Variants in METTL6 observed in about 807,000 individuals in gnomAD.
METTL6 encodes methyltransferase 6, tRNA N3-cytidine.
In METTL6, 22 loss-of-function variants were observed where a neutral mutation model predicts 26.4. The ratio of observed to expected loss-of-function variants is 0.83; its 90% CI spans 0.59 to 1.19. The LOEUF (loss-of-function observed/expected upper bound fraction) is 1.19, where lower values mean the gene tolerates loss of function less well. METTL6 is among the 50% of genes most tolerant of loss of function. The pLI, the probability that METTL6 is intolerant of heterozygous loss-of-function variation, is 0.00. For synonymous variants in METTL6, 109 were observed against 116.2 expected, an observed-to-expected ratio of 0.94 and a Z score of 0.40; for missense variants, 304 against 324.8, an observed-to-expected ratio of 0.94 and a Z score of 0.49.
At chr3:15,421,563 T>C (rs1340820733) in intron 3 of METTL6, among the ~76,000 whole-genome samples, 2 of 152,108 alleles carry the variant, frequency 1.3e-5, no homozygotes, top group Non-Finnish European at 2.9e-5. Flanking sequence ...CGGGCTCAAG[T>C]GATTTTCCCA....
chr3:15,413,995 TAA>T (rs1462100442), intron 5 of METTL6, 24 bp downstream of exon 5: 1 of 1,613,544 alleles, frequency 6.2e-7, no homozygotes, highest in Non-Finnish European at 8.5e-7. Flanking sequence ...ATAAAACATT[TAA>T]AGACTGGATT....
At chr3:15,406,131 T>C (rs1324881750), downstream of METTL6, among the ~76,000 whole-genome samples, 4 of 152,042 alleles carry the variant, frequency 2.6e-5, no homozygotes, top group African/African-American at 9.7e-5. Flanking sequence ...GTATTTATAC[T>C]ATTTTTTATA....
chr3:15,392,925 T>G (rs2124907385), intron 6 of METTL6, among the ~76,000 whole-genome samples: 1 of 152,304 alleles, frequency 6.6e-6, no homozygotes, highest in African/African-American at 2.4e-5. Flanking sequence ...TGAAGTCAGG[T>G]AGCGTGATGC....
At chr3:15,393,123 C>T (rs1260115869) in intron 6 of METTL6, among the ~76,000 whole-genome samples, 2 of 152,250 alleles carry the variant, frequency 1.3e-5, no homozygotes, top group East Asian at 3.9e-4. Flanking sequence ...TTCTTCCTAC[C>T]CATGAACATG....
At chr3:15,405,467 T>C (rs1397997770), downstream of METTL6, among the ~76,000 whole-genome samples, 3 of 152,206 alleles carry the variant, frequency 2.0e-5, no homozygotes, top group Admixed American at 6.5e-5. Flanking sequence ...ATGGACACTA[T>C]ATAACTAAGA....
intron 4 of METTL6, chr3:15,415,014 AC>A (rs1469562090): frequency 1.1e-4 from 119 of 1,102,000 alleles, no homozygotes; most frequent in Non-Finnish European, 1.3e-4. Flanking sequence ...ATCTCCTAGT[AC>A]TCAAACTGTA....
intron 6 of METTL6, among the ~76,000 whole-genome samples, chr3:15,400,141 G>A (rs893069867): frequency 2.6e-5 from 4 of 152,078 alleles, no homozygotes; most frequent in African/African-American, 9.7e-5. Flanking sequence ...TGCTACCTGA[G>A]AGATTTTATC....
At position 15,427,532 on chromosome 3, in the gene METTL6, T is replaced by G; in HGVS notation, c.-255A>C. On this transcript the variant is annotated 5_prime_UTR_variant, in exon 1 of 6. Coordinates refer to ENST00000383790, the MANE Select transcript of METTL6 (RefSeq NM_152396.4). ...TTTGCCATGGCACCGCCCCCGCCAC[T>G]TCCGCTAGGAACCCGGAAGTTCCTA... The G allele has an allele frequency of 1.8e-6, 1 of 540,986 alleles. No homozygotes were observed. Among genetic ancestry groups the G allele is most frequent in the South Asian group, 2.1e-5 (1 of 48,418 alleles). The allele number at this position is 540,986 out of a possible 1,614,324, so 33.5% of individuals were successfully genotyped here. A position where few individuals can be genotyped will look rare whatever the true frequency, so the allele number is the denominator to read the frequency against.
At chr3:15,413,153 G>A (rs146943814) in intron 5 of METTL6, among the ~76,000 whole-genome samples, 3,238 of 152,274 alleles carry the variant, frequency 0.021, 98 homozygotes, top group African/African-American at 0.072. Context: ...GCTGAGGCAT[G>A]AGAATCACTT....
chr3:15,393,171 A>C (rs1699394779), intron 6 of METTL6, among the ~76,000 whole-genome samples: 1 of 152,096 alleles, frequency 6.6e-6, no homozygotes, highest in Non-Finnish European at 1.5e-5. Context: ...CTTCTATTAC[A>C]TTGAGCAGTG....
Position 15,415,841 on chromosome 3 carries a change from A to G in METTL6, c.462T>C (p.Val154=), listed in dbSNP as rs760903367. The G allele has an allele frequency of 6.2e-7, 1 of 1,614,204 alleles. No homozygotes were observed. Among genetic ancestry groups the G allele is most frequent in the Non-Finnish European group, 8.5e-7 (1 of 1,180,010 alleles). The change falls in exon 4 of 6, where the codon GTT becomes GTC. Residue 154 remains valine, a synonymous_variant. Transcript: ENST00000383790. The part of the protein sequence containing the change: ...DHVPPESVDV[V]MLIFVLSAVH... ...CAGCTGACAGCACAAATATCAACAT[A>G]ACAACATCCACAGACTCTGGCGGTA...
chr3:15,400,918 A>G (rs548270821), intron 6 of METTL6, among the ~76,000 whole-genome samples: 2 of 152,300 alleles, frequency 1.3e-5, no homozygotes, highest in East Asian at 3.9e-4. Flanking sequence ...ATGGAGTGCA[A>G]TGGCTGGATA....
chr3:15,416,399 C>T (rs541572090), intron 3 of METTL6, among the ~76,000 whole-genome samples: 1 of 152,188 alleles, frequency 6.6e-6, no homozygotes, highest in Admixed American at 6.5e-5. Context: ...TACAGGTGTG[C>T]ACCACTGCAT....
chr3:15,423,866 A>G (rs1486500591), intron 3 of METTL6, among the ~76,000 whole-genome samples: 1 of 152,112 alleles, frequency 6.6e-6, no homozygotes, highest in Non-Finnish European at 1.5e-5. Flanking sequence ...CCTGGGTGAG[A>G]GTGAAACCAT....
At chr3:15,387,731 T>C (rs1252812366) in intron 6 of METTL6, among the ~76,000 whole-genome samples, 1 of 152,130 alleles carries the variant, frequency 6.6e-6, no homozygotes, top group African/African-American at 2.4e-5. Context: ...GGTAATTCTG[T>C]TGAGGTACAA....
intron 6 of METTL6, among the ~76,000 whole-genome samples, chr3:15,403,152 A>G (rs535698617): frequency 1.3e-5 from 2 of 152,182 alleles, no homozygotes; most frequent in African/African-American, 4.8e-5. Context: ...GGCTTTTAAA[A>G]TTTTTTTGTA....
chr3:15,391,357 C>G (rs572727163), intron 6 of METTL6, among the ~76,000 whole-genome samples: 1 of 152,028 alleles, frequency 6.6e-6, no homozygotes. Flanking sequence ...TCAATGGCAG[C>G]GGGGGAGATG....
exon 7 of METTL6, chr3:15,383,163 C>T (rs1480612781): frequency 6.6e-6 from 1 of 152,140 alleles, no homozygotes; most frequent in African/African-American, 2.4e-5. Context: ...ATTAAATGTC[C>T]TTAGCAATCA....
chr3:15,412,315 G>A (rs531087016), intron 5 of METTL6, among the ~76,000 whole-genome samples: 2 of 152,158 alleles, frequency 1.3e-5, no homozygotes, highest in Non-Finnish European at 2.9e-5. Context: ...AATAAATGGT[G>A]AGGCAGCAAA....
Sources: allele counts gnomAD v4.1 joint callset (sites outside exome capture counted in the v4.1 genomes callset), GRCh38; gene constraint gnomAD v4.1.1; transcripts MANE v1.5; gene names NCBI Gene and HGNC (gene_info 2026-07-23, HGNC 2026-07-21).